The following CRISPLD2 variants were observed in gnomAD, a reference collection of about 807,000 sequenced individuals.
CRISPLD2 encodes the protein cysteine rich secretory protein LCCL domain containing 2.
CRISPLD2 carries 47 observed loss-of-function variants against 71.1 expected under a neutral mutation model. The observed-to-expected ratio is 0.66, with a 90% CI of 0.52 to 0.84. CRISPLD2 has a LOEUF of 0.84. CRISPLD2 is among the 40% of genes least tolerant of loss of function. The probability of loss-of-function intolerance (pLI) is 0.00; values close to 1 mark genes in which losing one functional copy is unlikely to be tolerated. For missense variants in CRISPLD2, 830 were observed against 651.1 expected (o/e 1.27, Z -2.99); for synonymous variants, 317 against 250.1 (o/e 1.27, Z -2.52).
intron 13 of CRISPLD2, among the ~76,000 whole-genome samples, chr16:84,881,013 A>C (rs1348578285): frequency 6.6e-6 from 1 of 152,054 alleles, no homozygotes; most frequent in Non-Finnish European, 1.5e-5. Context: ...CCAACCTCTT[A>C]GCTAAGTTTA....
At chr16:84,855,029 G>GA (rs1282887635) in intron 6 of CRISPLD2, among the ~76,000 whole-genome samples, 200 bp downstream of exon 6, 1 of 152,156 alleles carries the variant, frequency 6.6e-6, no homozygotes, top group Non-Finnish European at 1.5e-5. Flanking sequence ...CAGGCCCCTG[G>GA]AGAGCCCCAC....
intron 2 of CRISPLD2, among the ~76,000 whole-genome samples, chr16:84,840,784 C>T: frequency 6.6e-6 from 1 of 152,144 alleles, no homozygotes; most frequent in East Asian, 1.9e-4. Flanking sequence ...TCAAGTGATC[C>T]ACCCACCTCA....
chr16:84,854,602 C>T (rs890671473), intron 5 of CRISPLD2, 127 bp from the exon 6 acceptor site: 3 of 715,766 alleles, frequency 4.2e-6, no homozygotes, highest in African/African-American at 3.5e-5. Flanking sequence ...CTTCCCACAG[C>T]ACACAACCTT....
chr16:84,845,658 A>C (rs1916892452), intron 2 of CRISPLD2, 128 bp from the exon 3 acceptor site: 1 of 702,850 alleles, frequency 1.4e-6, no homozygotes, highest in Admixed American at 2.4e-5. Context: ...TTAGGAACCC[A>C]GCAATACAGC....
At chr16:84,877,355 T>G in intron 11 of CRISPLD2, 83 bp from the exon 12 acceptor site, 1 of 1,253,650 alleles carries the variant, frequency 8.0e-7, no homozygotes, top group Non-Finnish European at 1.2e-6. Flanking sequence ...GCCCTGGTAG[T>G]CTAGTGGCCC....
chr16:84,830,640 T>C (rs1168663977), intron 1 of CRISPLD2, among the ~76,000 whole-genome samples: 3 of 151,832 alleles, frequency 2.0e-5, no homozygotes, highest in Non-Finnish European at 4.4e-5. Flanking sequence ...GCGGTGGAGG[T>C]TGCAGTGAGC....
At chr16:84,829,973 C>T (rs1251257395) in intron 1 of CRISPLD2, among the ~76,000 whole-genome samples, 1 of 152,180 alleles carries the variant, frequency 6.6e-6, no homozygotes, top group Non-Finnish European at 1.5e-5. Flanking sequence ...CAGTGCTGGC[C>T]AATGGTGAAC....
At chr16:84,898,848 G>T (rs527456447) in intron 14 of CRISPLD2, among the ~76,000 whole-genome samples, 2 of 152,202 alleles carry the variant, frequency 1.3e-5, no homozygotes, top group South Asian at 4.2e-4. Context: ...AGTCCCAGTT[G>T]CACCACTGCA....
At chr16:84,906,225 T>G (rs2071801155) in intron 14 of CRISPLD2, among the ~76,000 whole-genome samples, 1 of 151,914 alleles carries the variant, frequency 6.6e-6, no homozygotes, top group Non-Finnish European at 1.5e-5. Flanking sequence ...TAGCACCTGT[T>G]CATCTCTCCC....
Position 84,838,409 on chromosome 16 carries a change from T to A in CRISPLD2, c.-74-13T>A. The A allele has an allele frequency of 3.3e-6, 5 of 1,518,008 alleles. No homozygotes were observed. The highest frequency in any genetic ancestry group is 2.3e-4 in the Middle Eastern group (1 of 4,334). 94.0% of individuals were successfully genotyped at this position (1,518,008 alleles called of 1,614,324 possible). ...TAATGCGACTTCTCCCACCACCCTC[T>A]GCTTCCTTTCAGAGCTCAAGCGCCC... On this transcript the variant is annotated splice_polypyrimidine_tract_variant and intron_variant, in intron 1 of 14. Coordinates refer to ENST00000262424, the MANE Select transcript of CRISPLD2 (RefSeq NM_031476.4).
At chr16:84,856,317 A>G (rs1407799883) in intron 6 of CRISPLD2, among the ~76,000 whole-genome samples, 2 of 152,110 alleles carry the variant, frequency 1.3e-5, no homozygotes, top group East Asian at 3.8e-4. Flanking sequence ...CGGTAGACTG[A>G]TTTCATCTTG....
chr16:84,858,471 C>A (rs572372073), intron 6 of CRISPLD2, among the ~76,000 whole-genome samples: 1 of 152,342 alleles, frequency 6.6e-6, no homozygotes, highest in Admixed American at 6.5e-5. Flanking sequence ...CCTAACACCA[C>A]TAGACCCCTG....
At chr16:84,891,795 A>G (rs183703199) in intron 14 of CRISPLD2, among the ~76,000 whole-genome samples, 20 of 152,082 alleles carry the variant, frequency 1.3e-4, no homozygotes, top group Middle Eastern at 3.4e-3. Flanking sequence ...AAGGCCCCCG[A>G]AGCAGCTTTC....
intron 1 of CRISPLD2, among the ~76,000 whole-genome samples, chr16:84,837,639 G>C (rs1217779079): frequency 2.0e-5 from 3 of 152,082 alleles, no homozygotes; most frequent in Non-Finnish European, 2.9e-5. Context: ...GGATGGTCTC[G>C]ATCTCCTGAC....
At chr16:84,855,959 A>G (rs1381039764) in intron 6 of CRISPLD2, among the ~76,000 whole-genome samples, 1 of 152,242 alleles carries the variant, frequency 6.6e-6, no homozygotes, top group African/African-American at 2.4e-5. Context: ...AAGTGTATAC[A>G]TGCACAAGCA....
At chr16:84,875,257 A>ATATGTGTATGTGTGTGTG (rs1555564055) in intron 11 of CRISPLD2, among the ~76,000 whole-genome samples, 1 of 148,220 alleles carries the variant, frequency 6.7e-6, no homozygotes, top group African/African-American at 2.5e-5. Context: ...ATATATACAT[A>ATATGTGTATGTGTGTGTG]TGTGTGTGTG....
chr16:84,866,411 T>C (rs1917538618), intron 6 of CRISPLD2, among the ~76,000 whole-genome samples: 1 of 152,150 alleles, frequency 6.6e-6, no homozygotes, highest in Non-Finnish European at 1.5e-5. Flanking sequence ...AATTTTTGTA[T>C]TTTTAGTAGA....
chr16:84,873,826 AATAAG>A (rs1435600903), intron 10 of CRISPLD2, 89 bp from the exon 11 acceptor site: 23 of 1,192,042 alleles, frequency 1.9e-5, no homozygotes, highest in South Asian at 1.4e-4. Context: ...CGAGACTGCA[AATAAG>A]ATAAGTATAG....
Position 84,825,524 on chromosome 16 carries a change from G to A in CRISPLD2, c.-75+5391G>A, listed in dbSNP as rs186470356. ...TAGTCTCAGCACTTTGGGAGGCCAA[G>A]GTGGGCAGATCACTTGAGGTCAGGA... On this transcript the variant is annotated intron_variant, in intron 1 of 14. Coordinates refer to ENST00000262424, the MANE Select transcript of CRISPLD2 (RefSeq NM_031476.4). 5.5e-4 allele frequency among the ~76,000 whole-genome samples: 84 copies of A among 152,310 alleles called. No homozygotes were observed. The East Asian group carries it at 0.016, about 28-fold the overall frequency.
Sources: gnomAD v4.1 joint callset for allele counts (sites outside exome capture counted in the v4.1 genomes callset) on GRCh38, gnomAD v4.1.1 for gene constraint, MANE v1.5 for transcripts, NCBI Gene and HGNC (gene_info 2026-07-23, HGNC 2026-07-21) for gene names.